DCK: variants seen among roughly 807,000 people sequenced by gnomAD.
The protein encoded by DCK is deoxyadenosine kinase.
Under a neutral mutation model 38.3 loss-of-function variants are expected in DCK, and 23 were observed. The ratio of observed to expected loss-of-function variants is 0.60; its 90% CI spans 0.43 to 0.85. The LOEUF is 0.85. Ranked by LOEUF, DCK falls within the 40% of genes least tolerant of loss-of-function variation. DCK has a pLI of 0.00. For synonymous variants in DCK, 108 were observed against 100.6 expected (o/e 1.07, Z -0.44); for missense variants, 259 against 304.4 (o/e 0.85, Z 1.11).
intron 2 of DCK, among the ~76,000 whole-genome samples, chr4:71,005,254 G>A (rs909867857): frequency 1.3e-5 from 2 of 151,678 alleles, no homozygotes; most frequent in African/African-American, 2.4e-5. Context: ...CAGGTGAGGC[G>A]ATGCCCCACC....
intron 2 of DCK, among the ~76,000 whole-genome samples, chr4:71,015,872 C>A (rs1740248949): frequency 6.6e-6 from 1 of 152,130 alleles, no homozygotes. Flanking sequence ...AAAACTGGCA[C>A]AAGACACGGA....
chr4:71,003,697 A>G (rs113581645), intron 2 of DCK, among the ~76,000 whole-genome samples: 2 of 151,946 alleles, frequency 1.3e-5, no homozygotes, highest in South Asian at 2.1e-4. Context: ...CTTTATTTTT[A>G]TTAAGTTTTT....
chr4:71,007,947 A>C (rs1739990096), intron 2 of DCK, among the ~76,000 whole-genome samples: 1 of 152,120 alleles, frequency 6.6e-6, no homozygotes. Flanking sequence ...GGCTGGTTTC[A>C]AACTCCTGGG....
At chr4:71,019,934 G>A (rs1487414517) in intron 2 of DCK, among the ~76,000 whole-genome samples, 1 of 152,020 alleles carries the variant, frequency 6.6e-6, no homozygotes, top group Non-Finnish European at 1.5e-5. Flanking sequence ...TTACAGGCGC[G>A]TGCCACCACG....
intron 2 of DCK, among the ~76,000 whole-genome samples, chr4:71,007,536 A>G (rs1215647568): frequency 2.6e-5 from 4 of 152,218 alleles, no homozygotes; most frequent in Non-Finnish European, 5.9e-5. Context: ...TTGTTTGAGC[A>G]TACATGAACA....
At chr4:71,015,441 G>A (rs1740235734) in intron 2 of DCK, among the ~76,000 whole-genome samples, 1 of 152,182 alleles carries the variant, frequency 6.6e-6, no homozygotes, top group Non-Finnish European at 1.5e-5. Flanking sequence ...TATGAGGCCA[G>A]TATCATTCTG....
chr4:71,024,154 T>C (rs2148919487), intron 4 of DCK, among the ~76,000 whole-genome samples: 1 of 152,286 alleles, frequency 6.6e-6, no homozygotes, highest in East Asian at 1.9e-4. Flanking sequence ...ATTTACTGAA[T>C]GAATGGCAAT....
Position 71,023,761 on chromosome 4 carries a change from CT to C in DCK, c.549+59del, listed in dbSNP as rs1209791608. Reference sequence around the variant, plus strand: ...AAAATTTAAAGAAATATTTAGAACTCTTTTCAGTGGTATATAATGAGGGCAA... The same window carrying C: ...AAAATTTAAAGAAATATTTAGAACTCTTTCAGTGGTATATAATGAGGGCAA... On this transcript the variant is annotated intron_variant, in intron 4 of 6. Transcript: ENST00000286648. 7 of 1,551,872 alleles carry C rather than the reference CT, an allele frequency of 4.5e-6. No individual in the cohort carries two copies. The Admixed American group carries it at 5.6e-5, about 12-fold the overall frequency.
chr4:71,005,526 G>C (rs1202118705), intron 2 of DCK, among the ~76,000 whole-genome samples: 5 of 143,384 alleles, frequency 3.5e-5, no homozygotes, highest in Admixed American at 2.8e-4. Context: ...TTTTTTTTGA[G>C]ATGGAGTTTC....
rs1740444121 is a variant in DCK at position 71,022,297 on chromosome 4, C to A, written c.208-70C>A. ...TATTTATCTGACTTTTATTTTTTAGCCTTAAAAATTAAAATAGCCCTATTG... is the reference window on the plus strand; with the variant it reads ...TATTTATCTGACTTTTATTTTTTAGACTTAAAAATTAAAATAGCCCTATTG... On this transcript the variant is annotated intron_variant, in intron 2 of 6. Coordinates refer to ENST00000286648, the MANE Select transcript of DCK (RefSeq NM_000788.3). 6.2e-6 allele frequency: 5 copies of A among 800,494 alleles called. No individual in the cohort carries two copies. In the African/African-American group the frequency reaches 7.1e-5, roughly 11 times the overall value. The allele number at this position is 800,494 out of a possible 1,614,324, so 49.6% of individuals were successfully genotyped here.
Position 70,995,935 on chromosome 4 carries a change from G to T in DCK, c.91+2009G>T, listed in dbSNP as rs150485418. ...GGTTGAAAAAAAATTTTACTGGCCA[G>T]TGGCTCAAGCTTGTAATCCCAGTGC... On this transcript the variant is annotated intron_variant, in intron 1 of 6. Coordinates refer to ENST00000286648, the MANE Select transcript of DCK (RefSeq NM_000788.3). Among the ~76,000 whole-genome samples the T allele has an allele frequency of 5.3e-4, 80 of 151,718 alleles. 1 individual carries two copies. In the Middle Eastern group the frequency reaches 0.014, roughly 26 times the overall value.
intron 2 of DCK, among the ~76,000 whole-genome samples, chr4:71,003,934 C>T (rs780469038): frequency 6.6e-6 from 1 of 152,096 alleles, no homozygotes; most frequent in African/African-American, 2.4e-5. Flanking sequence ...TGTTATTAAC[C>T]CACCTTCTGA....
At chr4:71,011,389 G>C (rs977809275) in intron 2 of DCK, among the ~76,000 whole-genome samples, 1 of 151,726 alleles carries the variant, frequency 6.6e-6, no homozygotes, top group African/African-American at 2.4e-5. Flanking sequence ...TTTGAGTCTT[G>C]CTTTATTGCC....
At chr4:71,014,965 A>C (rs1388258739) in intron 2 of DCK, among the ~76,000 whole-genome samples, 2 of 152,218 alleles carry the variant, frequency 1.3e-5, no homozygotes, top group African/African-American at 4.8e-5. Flanking sequence ...CCCTTCAAAA[A>C]ATCAATGAAT....
intron 2 of DCK, among the ~76,000 whole-genome samples, chr4:71,005,001 C>T (rs1237102171): frequency 6.6e-6 from 1 of 151,906 alleles, no homozygotes; most frequent in Admixed American, 6.6e-5. Flanking sequence ...GGTTCTGTCT[C>T]GCTGGCATTC....
intron 2 of DCK, among the ~76,000 whole-genome samples, chr4:71,020,019 C>G (rs1740374734): frequency 6.6e-6 from 1 of 152,182 alleles, no homozygotes; most frequent in African/African-American, 2.4e-5. Context: ...AACTCCTGAT[C>G]TCAGGTGATC....
At chr4:71,004,203 A>C (rs1739880075) in intron 2 of DCK, among the ~76,000 whole-genome samples, 1 of 152,044 alleles carries the variant, frequency 6.6e-6, no homozygotes, top group Admixed American at 6.6e-5. Context: ...TTTCCTTCTA[A>C]CAGTCAGGCC....
rs1010237060 is a variant in DCK, at chr4:71,025,748, T to A, written c.550-68T>A. The A allele has an allele frequency of 3.4e-6, 5 of 1,481,888 alleles. No individual in the cohort carries two copies. The East Asian group carries it at 1.2e-4, about 36-fold the overall frequency. 91.8% of individuals were successfully genotyped at this position (1,481,888 alleles called of 1,614,324 possible). On this transcript the variant is annotated intron_variant, in intron 4 of 6. Coordinates refer to ENST00000286648, the MANE Select transcript of DCK (RefSeq NM_000788.3). Reference sequence around the variant, plus strand: ...AGTAGAGAGACACAGAAAAGAAAATTTTGATGGCAGCAGACAAGAATAATT... The same window carrying A: ...AGTAGAGAGACACAGAAAAGAAAATATTGATGGCAGCAGACAAGAATAATT...
At chr4:71,003,381 C>T (rs1187094521) in intron 2 of DCK, among the ~76,000 whole-genome samples, 1 of 152,166 alleles carries the variant, frequency 6.6e-6, no homozygotes, top group Non-Finnish European at 1.5e-5. Flanking sequence ...TCTCTGGCTG[C>T]GCTTAACATT....
Sources: allele counts gnomAD v4.1 joint callset (sites outside exome capture counted in the v4.1 genomes callset), GRCh38; gene constraint gnomAD v4.1.1; transcripts MANE v1.5; gene names NCBI Gene and HGNC (gene_info 2026-07-23, HGNC 2026-07-21).